The following CNTN4 variants were observed in gnomAD, a reference collection of about 807,000 sequenced individuals.
CNTN4 encodes the protein contactin 4.
CNTN4 carries 77 observed loss-of-function variants against 122.5 expected under a neutral mutation model. The ratio of observed to expected loss-of-function variants is 0.63; its 90% CI spans 0.52 to 0.76. The LOEUF is 0.76. Among genes scored for constraint, CNTN4 ranks in the 30% least tolerant of loss-of-function variants. CNTN4 has a pLI of 0.00. For synonymous variants in CNTN4, 512 were observed against 447.0 expected, an observed-to-expected ratio of 1.15 and a Z score of -1.83; for missense variants, 1,256 against 1,259.1, an observed-to-expected ratio of 1.00 and a Z score of 0.04.
chr3:2,321,055 C>A (rs926676511), intron 2 of CNTN4, among the ~76,000 whole-genome samples: 1 of 152,068 alleles, frequency 6.6e-6, no homozygotes, highest in African/African-American at 2.4e-5. Flanking sequence ...TGTTGGGTGG[C>A]TGAATTCTCA....
intron 3 of CNTN4, among the ~76,000 whole-genome samples, chr3:2,427,725 T>G (rs1482338542): frequency 6.6e-6 from 1 of 151,848 alleles, no homozygotes; most frequent in African/African-American, 2.4e-5. Flanking sequence ...TTGTAGGTCT[T>G]TAAGGACTTG....
intron 2 of CNTN4, among the ~76,000 whole-genome samples, chr3:2,182,663 T>C (rs947896134): frequency 1.3e-5 from 2 of 152,168 alleles, no homozygotes; most frequent in Non-Finnish European, 2.9e-5. Context: ...TGCCATGGGC[T>C]ATATGACTCA....
chr3:3,040,033 C>A lies in CNTN4; in HGVS notation c.2164-4C>A, dbSNP rs375522242. On this transcript the variant is annotated splice_polypyrimidine_tract_variant and splice_region_variant and intron_variant, in intron 19 of 24. Coordinates refer to ENST00000418658, the MANE Select transcript of CNTN4 (RefSeq NM_175607.3). ...TTCTGAAGACCACCTTCCTTCTTTCCCAGACGGTCCCTGAGGAATTACAGA... is the reference window on the plus strand; with the variant it reads ...TTCTGAAGACCACCTTCCTTCTTTCACAGACGGTCCCTGAGGAATTACAGA... The A allele has an allele frequency of 1.9e-6, 3 of 1,600,894 alleles. No homozygotes were observed. The highest frequency in any genetic ancestry group is 2.6e-6 in the Non-Finnish European group (3 of 1,167,754).
At chr3:2,346,269 A>G (rs1056057693) in intron 3 of CNTN4, among the ~76,000 whole-genome samples, 1 of 152,092 alleles carries the variant, frequency 6.6e-6, no homozygotes, top group Non-Finnish European at 1.5e-5. Flanking sequence ...GCAAAGTCAA[A>G]TTTAATGTTC....
intron 14 of CNTN4, chr3:2,999,006 T>C (rs1202024788): frequency 1.3e-5 from 2 of 152,218 alleles, no homozygotes; most frequent in East Asian, 3.8e-4. Flanking sequence ...AATCTCATCA[T>C]TCAGAGAGAT....
intron 4 of CNTN4, among the ~76,000 whole-genome samples, chr3:2,679,470 A>G (rs1411225825): frequency 2.0e-5 from 3 of 152,192 alleles, no homozygotes; most frequent in South Asian, 4.1e-4. Context: ...TCAGCGCATT[A>G]TGTGATGTCT....
intron 4 of CNTN4, among the ~76,000 whole-genome samples, chr3:2,666,852 G>C (rs1438567315): frequency 6.7e-6 from 1 of 149,234 alleles, no homozygotes; most frequent in Non-Finnish European, 1.5e-5. Context: ...TTGGTTTTTT[G>C]TCTTTGTGAT....
At chr3:2,862,918 A>C (rs1284170871) in intron 7 of CNTN4, among the ~76,000 whole-genome samples, 1 of 152,198 alleles carries the variant, frequency 6.6e-6, no homozygotes, top group African/African-American at 2.4e-5. Flanking sequence ...GGTTTCAAAT[A>C]TGAAGAGCTC....
At chr3:2,766,757 A>C (rs1300759383) in intron 6 of CNTN4, among the ~76,000 whole-genome samples, 1 of 152,190 alleles carries the variant, frequency 6.6e-6, no homozygotes, top group Non-Finnish European at 1.5e-5. Context: ...TAAAAAATTA[A>C]AAATTCAGGA....
At chr3:2,220,750 G>A (rs767281036) in intron 2 of CNTN4, among the ~76,000 whole-genome samples, 6 of 152,004 alleles carry the variant, frequency 3.9e-5, no homozygotes, top group Non-Finnish European at 8.8e-5. Flanking sequence ...CATATAGAAA[G>A]TACTCAATAA....
chr3:2,821,452 T>C (rs1394673019), intron 7 of CNTN4, among the ~76,000 whole-genome samples: 2 of 152,224 alleles, frequency 1.3e-5, no homozygotes, highest in African/African-American at 4.8e-5. Context: ...TTTTTGCTTG[T>C]TTTTGTCCAT....
At chr3:2,318,434 C>T (rs1029617137) in intron 2 of CNTN4, among the ~76,000 whole-genome samples, 4 of 152,070 alleles carry the variant, frequency 2.6e-5, no homozygotes, top group Admixed American at 2.0e-4. Flanking sequence ...TTCTTTTTGA[C>T]ACATCAGGAT....
chr3:2,993,020 C>G (rs574423547), intron 14 of CNTN4, among the ~76,000 whole-genome samples: 2 of 152,064 alleles, frequency 1.3e-5, no homozygotes, highest in African/African-American at 4.8e-5. Context: ...GAGTTTAGAA[C>G]ATTGCATTTT....
chr3:2,687,396 C>T (rs1021313743), intron 4 of CNTN4, among the ~76,000 whole-genome samples: 8 of 87,282 alleles, frequency 9.2e-5, no homozygotes, highest in Non-Finnish European at 1.7e-4. Context: ...CACTGTGGCT[C>T]GTGCCTGCAA....
chr3:2,100,557 G>A lies in CNTN4; in HGVS notation c.-226-1G>A, dbSNP rs1390803502. On this transcript the variant is annotated splice_acceptor_variant, in intron 1 of 24. Coordinates refer to ENST00000418658, the MANE Select transcript of CNTN4 (RefSeq NM_175607.3). LOFTEE classifies it low-confidence loss of function (5UTR_SPLICE). ...TCTCTCTTTCTCTCTCTCTACCCAAGTGGGTGAAAAAGAACAGTGTGTCAT... is the reference window on the plus strand; with the variant it reads ...TCTCTCTTTCTCTCTCTCTACCCAAATGGGTGAAAAAGAACAGTGTGTCAT... 6.6e-6 allele frequency: 1 copy of A among 152,186 alleles called. No individual in the cohort carries two copies. The highest frequency in any genetic ancestry group is 2.4e-5 in the African/African-American group (1 of 41,430). 9.4% of individuals were successfully genotyped at this position (152,186 alleles called of 1,614,324 possible). A position where few individuals can be genotyped will look rare whatever the true frequency, so the allele number is the denominator to read the frequency against.
chr3:2,742,158 T>A (rs1427149762), intron 5 of CNTN4, among the ~76,000 whole-genome samples: 1 of 150,886 alleles, frequency 6.6e-6, no homozygotes, highest in African/African-American at 2.4e-5. Flanking sequence ...TAGAAGAAAT[T>A]CCGAAGTGAG....
chr3:2,189,610 G>GT (rs1372510037), intron 2 of CNTN4, among the ~76,000 whole-genome samples: 1 of 152,096 alleles, frequency 6.6e-6, no homozygotes, highest in African/African-American at 2.4e-5. Flanking sequence ...CCTCCATGTT[G>GT]TCCCTGAAAA....
chr3:2,159,311 C>G (rs2035856424), intron 2 of CNTN4, among the ~76,000 whole-genome samples: 1 of 152,064 alleles, frequency 6.6e-6, no homozygotes, highest in Admixed American at 6.6e-5. Flanking sequence ...TATCTGTGCC[C>G]CAAACTCTTC....
intron 13 of CNTN4, among the ~76,000 whole-genome samples, chr3:2,969,021 C>T (rs773170940): frequency 2.6e-5 from 4 of 151,748 alleles, no homozygotes; most frequent in African/African-American, 7.3e-5. Flanking sequence ...AAGTGTACAA[C>T]GCAATGATTT....
Sources: gnomAD v4.1 joint callset for allele counts (sites outside exome capture counted in the v4.1 genomes callset) on GRCh38, gnomAD v4.1.1 for gene constraint, MANE v1.5 for transcripts, NCBI Gene and HGNC (gene_info 2026-07-23, HGNC 2026-07-21) for gene names.